Variants in NAF1 observed in about 807,000 individuals in gnomAD.
The protein encoded by NAF1 is nuclear assembly factor 1 ribonucleoprotein.
Under a neutral mutation model 40.6 loss-of-function variants are expected in NAF1, and 11 were observed. The ratio of observed to expected loss-of-function variants is 0.27; its 90% CI spans 0.17 to 0.45. The LOEUF (loss-of-function observed/expected upper bound fraction) is 0.45, where lower values mean the gene tolerates loss of function less well. Ranked by LOEUF, NAF1 falls within the 20% of genes least tolerant of loss-of-function variation. The pLI is 1.00. For synonymous variants in NAF1, 260 were observed against 228.5 expected (o/e 1.14, Z -1.24); for missense variants, 607 against 611.1 (o/e 0.99, Z 0.07).
chr4:163,108,118 C>A (rs371423831), downstream of NAF1, among the ~76,000 whole-genome samples: 5 of 152,004 alleles, frequency 3.3e-5, no homozygotes, highest in African/African-American at 1.2e-4. Context: ...ATATCAACAG[C>A]GATGTAAGTA....
Position 163,140,337 on chromosome 4 carries a change from C to T in NAF1, c.764G>A (p.Arg255Gln), listed in dbSNP as rs1446711518. 2.5e-6 allele frequency: 4 copies of T among 1,607,204 alleles called. No individual in the cohort carries two copies. Among genetic ancestry groups the T allele is most frequent in the African/African-American group, 2.7e-5 (2 of 74,582 alleles). ...CTCAATGTGATCTGAAGAATTAAAC[C>T]GTAACACATAAAATGGATGTGCAAC... ...GPVAHPFYVL[R>Q]FNSSDHIESK... The change falls in exon 5 of 8, where the codon CGG (arginine) becomes CAG (glutamine). Residue 255 changes from arginine (R) to glutamine (Q), a missense_variant. Physicochemically the swap from Arg to Gln is conservative, Grantham distance 43. Coordinates refer to ENST00000274054, the MANE Select transcript of NAF1 (RefSeq NM_138386.3).
chr4:163,160,599 C>T (rs1732178582), intron 2 of NAF1, among the ~76,000 whole-genome samples: 1 of 152,088 alleles, frequency 6.6e-6, no homozygotes, highest in Non-Finnish European at 1.5e-5. Flanking sequence ...GCTTGAAGCA[C>T]AGACTAAATG....
intron 7 of NAF1, among the ~76,000 whole-genome samples, chr4:163,131,038 A>T (rs1730853497): frequency 6.6e-6 from 1 of 152,044 alleles, no homozygotes; most frequent in Admixed American, 6.5e-5. Context: ...ATGCCCAGCT[A>T]ATTTTTGTAT....
downstream of NAF1, among the ~76,000 whole-genome samples, chr4:163,128,179 T>C (rs1435017809): frequency 2.0e-5 from 3 of 152,222 alleles, no homozygotes; most frequent in Non-Finnish European, 4.4e-5. Flanking sequence ...CATGTGAGGA[T>C]CTGGAAAACA....
At chr4:163,134,838 A>G (rs1008047913) in intron 6 of NAF1, among the ~76,000 whole-genome samples, 1 of 152,202 alleles carries the variant, frequency 6.6e-6, no homozygotes, top group African/African-American at 2.4e-5. Context: ...ATAAAATTGG[A>G]GAAGCTTACA....
rs780962548 is a variant in NAF1, at chr4:163,164,328, A to G, written c.429T>C (p.Ser143=). The part of the protein sequence containing the change: ...SSSSSSSSSS[S]SSCISLPPVL... Reference sequence around the variant, plus strand: ...CTGGAGGAAGTGATATACAAGAGGAAGAAGACGACGATGAGGAAGATGAAG... The same window carrying G: ...CTGGAGGAAGTGATATACAAGAGGAGGAAGACGACGATGAGGAAGATGAAG... Residue 143 remains serine (S), a synonymous_variant, in exon 2 of 8, where the codon TCT becomes TCC. Transcript: ENST00000274054. The G allele has an allele frequency of 4.4e-6, 7 of 1,602,286 alleles. No individual in the cohort carries two copies. The highest frequency in any genetic ancestry group is 5.1e-6 in the Non-Finnish European group (6 of 1,175,104).
chr4:163,159,623 C>T (rs950656937), intron 2 of NAF1, among the ~76,000 whole-genome samples: 1 of 152,006 alleles, frequency 6.6e-6, no homozygotes, highest in Non-Finnish European at 1.5e-5. Context: ...TATTTCCATA[C>T]ATTCACGTTA....
At chr4:163,115,431 C>T (rs1320527365) in intron 2 of NAF1, among the ~76,000 whole-genome samples, 5 of 151,762 alleles carry the variant, frequency 3.3e-5, no homozygotes, top group Non-Finnish European at 5.9e-5. Flanking sequence ...CTCCTGACCT[C>T]GTGATCCACC....
chr4:163,156,954 A>G (rs550258424), intron 2 of NAF1: 3 of 152,266 alleles, frequency 2.0e-5, no homozygotes, highest in South Asian at 4.1e-4. Context: ...AGAACAGCAA[A>G]AAGTTTTTCT....
At chr4:163,165,324 CCA>C (rs747164756) in intron 1 of NAF1, among the ~76,000 whole-genome samples, 13 of 152,204 alleles carry the variant, frequency 8.5e-5, no homozygotes, top group South Asian at 2.1e-4. Flanking sequence ...CTGCCATCAC[CCA>C]CAGAGTCAGA....
At chr4:163,133,355 T>A (rs560392325) in intron 6 of NAF1, 99 bp from the exon 7 acceptor site, 1 of 808,736 alleles carries the variant, frequency 1.2e-6, no homozygotes, top group Non-Finnish European at 1.9e-6. Context: ...TATGCATCAA[T>A]GACTCTAAAA....
At chr4:163,163,790 A>G (rs1185312227) in intron 2 of NAF1, among the ~76,000 whole-genome samples, 1 of 152,162 alleles carries the variant, frequency 6.6e-6, no homozygotes, top group Non-Finnish European at 1.5e-5. Flanking sequence ...AAATGCAGTC[A>G]ATTAAAAAGT....
downstream of NAF1, among the ~76,000 whole-genome samples, chr4:163,127,615 A>C (rs1265915620): frequency 6.6e-6 from 1 of 152,178 alleles, no homozygotes; most frequent in Non-Finnish European, 1.5e-5. Flanking sequence ...CTGTGAAGGT[A>C]ACTTCTAAAG....
chr4:163,106,992 CTT>C (rs1013843347), downstream of NAF1, among the ~76,000 whole-genome samples: 1 of 145,968 alleles, frequency 6.9e-6, no homozygotes. Context: ...TTGAGGCTTT[CTT>C]TTTTTTTTTT....
intron 2 of NAF1, among the ~76,000 whole-genome samples, chr4:163,113,372 G>T (rs1404161059): frequency 8.1e-4 from 118 of 145,070 alleles, no homozygotes; most frequent in African/African-American, 2.2e-3. Context: ...GTAATCCCTT[G>T]TTTTTATTTT....
chr4:163,111,729 G>A (rs1730165078), intron 2 of NAF1, among the ~76,000 whole-genome samples: 1 of 152,104 alleles, frequency 6.6e-6, no homozygotes, highest in Non-Finnish European at 1.5e-5. Flanking sequence ...GACTGAGAAA[G>A]TAGAGCCACC....
chr4:163,129,872 C>T (rs952635323), intron 7 of NAF1, among the ~76,000 whole-genome samples: 2 of 152,162 alleles, frequency 1.3e-5, no homozygotes, highest in African/African-American at 4.8e-5. Context: ...TTGTCCCCAA[C>T]CAGTGATAAC....
downstream of NAF1, chr4:163,108,832 G>C (rs1318960509): frequency 6.6e-6 from 1 of 152,142 alleles, no homozygotes; most frequent in Non-Finnish European, 1.5e-5. Flanking sequence ...TTATGCACCA[G>C]ACGAAAACAT....
Position 163,166,872 on chromosome 4 carries a change from CGGAG to C in NAF1, c.-149_-146del. On this transcript the variant is annotated 5_prime_UTR_variant, in exon 1 of 8. Coordinates refer to ENST00000274054, the MANE Select transcript of NAF1 (RefSeq NM_138386.3). ...CCCGCGTTTCTCAGGTAACTACACG[CGGAG>C]GAGCCAAAAGACACGCCCCCGCCAT... 1 of 1,110,294 alleles carries C rather than the reference CGGAG, an allele frequency of 9.0e-7. No individual in the cohort carries two copies. Among genetic ancestry groups the C allele is most frequent in the Non-Finnish European group, 1.2e-6 (1 of 802,608 alleles). 68.8% of individuals were successfully genotyped at this position (1,110,294 alleles called of 1,614,324 possible).
Sources: allele counts gnomAD v4.1 joint callset (sites outside exome capture counted in the v4.1 genomes callset), GRCh38; gene constraint gnomAD v4.1.1; transcripts MANE v1.5; gene names NCBI Gene and HGNC (gene_info 2026-07-23, HGNC 2026-07-21).